Variants in GNE observed in about 807,000 individuals in gnomAD.
GNE encodes the protein bifunctional UDP-N-acetylglucosamine 2-epimerase/N-acetylmannosamine kinase.
A neutral mutation model predicts 61.8 loss-of-function variants in GNE; 41 were observed. That is an observed-to-expected ratio of 0.66 (90% CI 0.52 to 0.86). The LOEUF (loss-of-function observed/expected upper bound fraction) is 0.86. Ranked by LOEUF, GNE falls within the 40% of genes least tolerant of loss-of-function variation. GNE has a pLI of 0.00. For missense variants in GNE, 608 were observed against 909.1 expected (o/e 0.67, Z 4.26); for synonymous variants, 264 against 326.4 (o/e 0.81, Z 2.06).
chr9:36,224,484 C>G (rs1279061363), intron 7 of GNE, among the ~76,000 whole-genome samples: 1 of 152,026 alleles, frequency 6.6e-6, no homozygotes, highest in African/African-American at 2.4e-5. Context: ...GAGCTTTAAT[C>G]ATCTCCTGTA....
chr9:36,260,380 G>A (rs943142615), upstream of GNE, among the ~76,000 whole-genome samples: 2 of 152,030 alleles, frequency 1.3e-5, no homozygotes, highest in African/African-American at 4.8e-5. Flanking sequence ...GAAAGGCTGG[G>A]AGAGTGACCT....
Position 36,266,151 on chromosome 9 carries a change from G to A in GNE, c.51+10743C>T, listed in dbSNP as rs374505975. Among the ~76,000 whole-genome samples, 95 of 152,074 alleles carry A rather than the reference G, an allele frequency of 6.2e-4. 2 individuals are homozygous for A. In the East Asian group the frequency reaches 0.018, roughly 28 times the overall value. ...TCATCATGTTGGCCAGGCTGGTCGAGAACTCCTGACCTCAAGTGATCCACC... is the reference window on the plus strand; with the variant it reads ...TCATCATGTTGGCCAGGCTGGTCGAAAACTCCTGACCTCAAGTGATCCACC... On this transcript the variant is annotated intron_variant, in intron 1 of 11. Coordinates refer to the GNE transcript ENST00000396594.
intron 9 of GNE, among the ~76,000 whole-genome samples, chr9:36,222,147 G>T (rs950104323): frequency 1.3e-5 from 2 of 151,530 alleles, no homozygotes; most frequent in Admixed American, 1.3e-4. Context: ...GGCCGGGCGC[G>T]GTGGCTCACG....
rs1554663295 is a variant in GNE, at chr9:36,246,029, AC to A, written c.616+1del. 6.2e-7 allele frequency: 1 copy of A among 1,611,094 alleles called. No individual in the cohort carries two copies. Among genetic ancestry groups the A allele is most frequent in the Non-Finnish European group, 8.5e-7 (1 of 1,177,512 alleles). Reference sequence around the variant, plus strand: ...AGACTGACTAAAGTCTGAGATACGTACCTAGCCACATGCGAATGATGCTCAT... The same window carrying A: ...AGACTGACTAAAGTCTGAGATACGTACTAGCCACATGCGAATGATGCTCAT... On this transcript the variant is annotated splice_donor_variant, in intron 3 of 11. Coordinates refer to ENST00000642385, the MANE Select transcript of GNE (RefSeq NM_005476.7). LOFTEE classifies it high-confidence loss of function.
chr9:36,244,023 G>A (rs1829759605), intron 3 of GNE, among the ~76,000 whole-genome samples: 1 of 151,506 alleles, frequency 6.6e-6, no homozygotes, highest in Admixed American at 6.6e-5. Context: ...GAGTGCAGCA[G>A]TGTAATCACA....
intron 3 of GNE, among the ~76,000 whole-genome samples, chr9:36,240,663 C>T (rs1290606299): frequency 6.6e-6 from 1 of 152,084 alleles, no homozygotes; most frequent in African/African-American, 2.4e-5. Flanking sequence ...ATGGGGGCTT[C>T]ACAGAATAAA....
chr9:36,261,425 C>T (rs1587372403), upstream of GNE, among the ~76,000 whole-genome samples: 1 of 151,728 alleles, frequency 6.6e-6, no homozygotes, highest in Non-Finnish European at 1.5e-5. Context: ...TGGTGGCGCA[C>T]GCCTGTAGTC....
chr9:36,224,378 G>A (rs1255303976), intron 7 of GNE, among the ~76,000 whole-genome samples: 2 of 152,044 alleles, frequency 1.3e-5, no homozygotes, highest in Non-Finnish European at 2.9e-5. Context: ...AGGCTGCGGT[G>A]AGCTGAGATC....
chr9:36,222,671 T>C (rs2133020132), intron 9 of GNE, 106 bp downstream of exon 9: 1 of 840,906 alleles, frequency 1.2e-6, no homozygotes, highest in East Asian at 2.4e-5. Context: ...GCTCTAGTCA[T>C]GCAGGAAGTG....
At chr9:36,223,339 G>T in intron 8 of GNE, 34 bp downstream of exon 8, 1 of 1,584,548 alleles carries the variant, frequency 6.3e-7, no homozygotes, top group South Asian at 1.1e-5. Flanking sequence ...ACATTAAAAT[G>T]AGCATTTCTT....
At chr9:36,271,393 A>G (rs755306012) in intron 1 of GNE, among the ~76,000 whole-genome samples, 36 of 152,196 alleles carry the variant, frequency 2.4e-4, no homozygotes, top group Non-Finnish European at 4.6e-4. Flanking sequence ...TTTTGTTTTG[A>G]GACCGAGTCT....
chr9:36,238,456 C>T (rs768928272), intron 3 of GNE, among the ~76,000 whole-genome samples: 14 of 152,226 alleles, frequency 9.2e-5, no homozygotes, highest in African/African-American at 2.2e-4. Context: ...AGGAGTAAGG[C>T]GGCATCGCAT....
chr9:36,240,102 G>A (rs927666381), intron 3 of GNE, among the ~76,000 whole-genome samples: 47 of 152,050 alleles, frequency 3.1e-4, no homozygotes, highest in African/African-American at 1.1e-3. Flanking sequence ...TAATCATATT[G>A]TCAGCAAAGA....
Position 36,217,418 on chromosome 9 carries a change from G to C in GNE, c.2116C>G (p.Leu706Val). The C allele has an allele frequency of 1.2e-6, 2 of 1,614,014 alleles. No individual in the cohort carries two copies. The highest frequency in any genetic ancestry group is 1.7e-6 in the Non-Finnish European group (2 of 1,179,892). Residue 706 changes from leucine to valine, a missense_variant, in exon 12 of 12, where the codon CTG (leucine) becomes GTG (valine). By Grantham distance (32) the Leu-to-Val change is conservative. Coordinates refer to ENST00000642385, the MANE Select transcript of GNE (RefSeq NM_005476.7). ...AGAACCATGCTGGCAGCACCCAGCA[G>C]GGCGGGGTCAACCAAATCCGAAACC... The part of the protein sequence containing the change: ...VVVSDLVDPA[L>V]LGAASMVLDY...
intron 3 of GNE, among the ~76,000 whole-genome samples, chr9:36,241,366 C>T (rs1277445690): frequency 6.6e-6 from 1 of 152,196 alleles, no homozygotes; most frequent in East Asian, 1.9e-4. Context: ...CTGCCCGCCT[C>T]GGCCTCCCAA....
Position 36,265,528 on chromosome 9 carries a change from CATATTAAGCTGG to C in GNE, c.51+11354_51+11365del, listed in dbSNP as rs1830746942. On this transcript the variant is annotated intron_variant, in intron 1 of 11. Transcript: ENST00000396594. ...TGGAATAAACTGAGCAATTCATCAC[CATATTAAGCTGG>C]ATATTCCTGTTTAGTAAATATCTTT... 3 of 454,286 alleles carry C rather than the reference CATATTAAGCTGG, an allele frequency of 6.6e-6. No individual in the cohort carries two copies. The Admixed American group carries it at 7.1e-5, about 11-fold the overall frequency. The allele number at this position is 454,286 out of a possible 1,614,324, so 28.1% of individuals were successfully genotyped here. A position where few individuals can be genotyped will look rare whatever the true frequency, so the allele number is the denominator to read the frequency against.
chr9:36,221,363 T>C (rs1056237651), intron 9 of GNE, among the ~76,000 whole-genome samples: 2 of 152,184 alleles, frequency 1.3e-5, no homozygotes, highest in Non-Finnish European at 2.9e-5. Flanking sequence ...TGGTGTAATG[T>C]AGAGTTTAAG....
intron 1 of GNE, among the ~76,000 whole-genome samples, chr9:36,271,695 C>T (rs1831034052): frequency 6.6e-6 from 1 of 152,090 alleles, no homozygotes; most frequent in Admixed American, 6.6e-5. Flanking sequence ...ATTAGTTATA[C>T]TTATGATGAA....
At chr9:36,238,992 A>G (rs1388222046) in intron 3 of GNE, among the ~76,000 whole-genome samples, 1 of 152,102 alleles carries the variant, frequency 6.6e-6, no homozygotes, top group African/African-American at 2.4e-5. Flanking sequence ...AAAGGTGTCC[A>G]TTCCCCACTT....
Sources: allele counts gnomAD v4.1 joint callset (sites outside exome capture counted in the v4.1 genomes callset), GRCh38; gene constraint gnomAD v4.1.1; transcripts MANE v1.5; gene names NCBI Gene and HGNC (gene_info 2026-07-23, HGNC 2026-07-21).